DHX8: variants seen among roughly 807,000 people sequenced by gnomAD.
DHX8 encodes DEAH-box helicase 8.
A neutral mutation model predicts 140.7 loss-of-function variants in DHX8; 67 were observed. The ratio of observed to expected loss-of-function variants is 0.48; its 90% CI spans 0.39 to 0.58. The LOEUF is 0.58. DHX8 is among the 20% of genes least tolerant of loss of function. The pLI, the probability that DHX8 is intolerant of heterozygous loss-of-function variation, is 0.00. For synonymous variants in DHX8, 533 were observed against 553.2 expected (o/e 0.96, Z 0.51); for missense variants, 887 against 1,550.7 (o/e 0.57, Z 7.19).
chr17:43,525,733 T>C (rs112059893), downstream of DHX8: 90 of 983,700 alleles, frequency 9.1e-5, 1 homozygote, highest in African/African-American at 1.4e-3. Context: ...GCCTCCTGAG[T>C]AGCTGGGACT....
chr17:43,533,445 G>A, intron 2 of DHX8: 1 of 1,177,412 alleles, frequency 8.5e-7, no homozygotes. Context: ...AGGGATTACA[G>A]GAGAAGGAAG....
rs567221198 is a variant in DHX8 at position 43,535,419 on chromosome 17, A to T, written c.351-993A>T. ...CAGCCTCCTGAGTAGCTGGGATTAC[A>T]GGTACACGCCACCATGCCCGGCTAA... On this transcript the variant is annotated intron_variant, in intron 2 of 3. Transcript: ENST00000589898. 7.5e-4 allele frequency among the ~76,000 whole-genome samples: 114 copies of T among 152,150 alleles called. 1 individual carries two copies. The highest frequency in any genetic ancestry group is 1.3e-3 in the Non-Finnish European group (90 of 68,020).
chr17:43,507,361 A>G, intron 13 of DHX8, 142 bp from the exon 14 acceptor site: 1 of 1,077,544 alleles, frequency 9.3e-7, no homozygotes, highest in Non-Finnish European at 1.3e-6. Context: ...AGTCTAAGAC[A>G]TACCTTACTA....
chr17:43,505,934 A>G (rs901689372), intron 12 of DHX8, among the ~76,000 whole-genome samples: 1 of 152,094 alleles, frequency 6.6e-6, no homozygotes, highest in Non-Finnish European at 1.5e-5. Context: ...GTGTGTTTAC[A>G]GGTGGCAGTG....
intron 8 of DHX8, among the ~76,000 whole-genome samples, chr17:43,495,190 C>T (rs567682690): frequency 3.9e-5 from 6 of 152,232 alleles, no homozygotes; most frequent in South Asian, 2.1e-4. Flanking sequence ...GCTATAAACG[C>T]GAATATATCA....
chr17:43,533,086 C>T (rs1971035199), intron 2 of DHX8: 2 of 1,520,452 alleles, frequency 1.3e-6, no homozygotes, highest in Non-Finnish European at 1.8e-6. Flanking sequence ...ATTCCACTGC[C>T]CCCTGCCTCT....
chr17:43,491,402 T>C (rs1027390926), intron 4 of DHX8, 152 bp downstream of exon 4: 1 of 420,504 alleles, frequency 2.4e-6, no homozygotes, highest in Non-Finnish European at 4.3e-6. Context: ...GCATGTACTA[T>C]GTATTGAATT....
chr17:43,533,258 C>G (rs1171008035), intron 2 of DHX8: 1 of 1,613,838 alleles, frequency 6.2e-7, no homozygotes, highest in Non-Finnish European at 8.5e-7. Flanking sequence ...AATTCCGTTG[C>G]TCTGCCCGGG....
Position 43,522,039 on chromosome 17 carries a change from C to T in DHX8, c.3264-8C>T. On this transcript the variant is annotated splice_polypyrimidine_tract_variant and splice_region_variant and intron_variant, in intron 21 of 22. Coordinates refer to ENST00000262415, the MANE Select transcript of DHX8 (RefSeq NM_004941.3). ...AGTGGGCTCATATCTTTTGTCCTAT[C>T]TTGATAGACACAAGCTGGATGTTGT... The T allele has an allele frequency of 6.2e-7, 1 of 1,613,402 alleles. No individual in the cohort carries two copies. The highest frequency in any genetic ancestry group is 8.5e-7 in the Non-Finnish European group (1 of 1,179,596).
At chr17:43,484,309 G>A in intron 1 of DHX8, 124 bp downstream of exon 1, 1 of 1,180,910 alleles carries the variant, frequency 8.5e-7, no homozygotes, top group Non-Finnish European at 1.2e-6. Flanking sequence ...TCTCTCTGTC[G>A]CAGACACCGG....
At chr17:43,522,776 C>T (rs1970442935) in intron 22 of DHX8, among the ~76,000 whole-genome samples, 1 of 140,138 alleles carries the variant, frequency 7.1e-6, no homozygotes, top group East Asian at 2.1e-4. Context: ...AAACCAACTA[C>T]CTAGGGGCTA....
intron 20 of DHX8, 78 bp downstream of exon 20, chr17:43,520,957 A>C: frequency 6.6e-6 from 4 of 608,542 alleles, no homozygotes; most frequent in Non-Finnish European, 1.0e-5. Context: ...CCAATGCTTG[A>C]TGTGGACTTT....
chr17:43,536,388 C>T, intron 2 of DHX8: 1 of 1,581,990 alleles, frequency 6.3e-7, no homozygotes, highest in Non-Finnish European at 8.7e-7. Flanking sequence ...CTGCCATCCT[C>T]CACTCCCTAT....
chr17:43,494,459 C>G (rs1485860982), intron 8 of DHX8, among the ~76,000 whole-genome samples: 2 of 152,096 alleles, frequency 1.3e-5, no homozygotes, highest in African/African-American at 4.8e-5. Flanking sequence ...TGATGGCTCA[C>G]ACGTGTAATC....
chr17:43,524,551 A>G lies in DHX8; in HGVS notation c.*704A>G. On this transcript the variant is annotated 3_prime_UTR_variant, in exon 23 of 23. Transcript: ENST00000262415. Reference sequence around the variant, plus strand: ...GGCCGTGCTGGGGGATCACCCGATGATCAACCATGTCCTCTCCACAGAGCA... The same window carrying G: ...GGCCGTGCTGGGGGATCACCCGATGGTCAACCATGTCCTCTCCACAGAGCA... 1 of 986,368 alleles carries G rather than the reference A, an allele frequency of 1.0e-6. No individual in the cohort carries two copies. Among genetic ancestry groups the G allele is most frequent in the South Asian group, 4.7e-5 (1 of 21,296 alleles). 61.1% of individuals were successfully genotyped at this position (986,368 alleles called of 1,614,324 possible).
chr17:43,523,084 GA>G (rs1322518534), intron 22 of DHX8, among the ~76,000 whole-genome samples: 2 of 135,304 alleles, frequency 1.5e-5, no homozygotes, highest in African/African-American at 2.7e-5. Flanking sequence ...AAAAAAGAAA[GA>G]AAAAAACAAC....
chr17:43,484,707 T>C (rs1321072347), intron 1 of DHX8, among the ~76,000 whole-genome samples: 1 of 152,190 alleles, frequency 6.6e-6, no homozygotes, highest in Non-Finnish European at 1.5e-5. Flanking sequence ...AGTGGCACGA[T>C]CTCGGCTCAC....
At chr17:43,530,577 G>T, downstream of DHX8, 1 of 464,942 alleles carries the variant, frequency 2.2e-6, no homozygotes, top group Non-Finnish European at 3.5e-6. Context: ...TGTCCGGTCA[G>T]CAGGTCAGGT....
chr17:43,490,577 A>G, intron 3 of DHX8, 114 bp downstream of exon 3: 4 of 896,680 alleles, frequency 4.5e-6, no homozygotes, highest in Admixed American at 2.7e-5. Context: ...TGTTCCAGTA[A>G]GATTTTTCAA....
Sources: allele counts gnomAD v4.1 joint callset (sites outside exome capture counted in the v4.1 genomes callset), GRCh38; gene constraint gnomAD v4.1.1; transcripts MANE v1.5; gene names NCBI Gene and HGNC (gene_info 2026-07-23, HGNC 2026-07-21).